RGS6: variants seen among roughly 807,000 people sequenced by gnomAD.
RGS6 encodes the protein regulator of G protein signaling 6.
Under a neutral mutation model 78.5 loss-of-function variants are expected in RGS6, and 30 were observed. The ratio of observed to expected loss-of-function variants is 0.38; its 90% CI spans 0.29 to 0.52. The LOEUF is 0.52. Among genes scored for constraint, RGS6 ranks in the 20% least tolerant of loss-of-function variants. The probability of loss-of-function intolerance (pLI) is 0.85; values close to 1 mark genes in which losing one functional copy is unlikely to be tolerated. For missense variants in RGS6, 495 were observed against 609.7 expected (o/e 0.81, Z 1.98); for synonymous variants, 206 against 206.0 (o/e 1.00, Z 0.00).
At chr14:72,389,528 A>G (rs1166725091) in intron 3 of RGS6, among the ~76,000 whole-genome samples, 1 of 152,132 alleles carries the variant, frequency 6.6e-6, no homozygotes, top group Non-Finnish European at 1.5e-5. Flanking sequence ...CACTAGGGAA[A>G]CCTTACAGAG....
At chr14:72,043,543 A>G (rs1291936292) in intron 2 of RGS6, among the ~76,000 whole-genome samples, 1 of 152,170 alleles carries the variant, frequency 6.6e-6, no homozygotes, top group Non-Finnish European at 1.5e-5. Context: ...CCCCCATTTA[A>G]CACATTAAAT....
At chr14:72,247,543 C>G (rs556121358) in intron 2 of RGS6, among the ~76,000 whole-genome samples, 48 of 152,330 alleles carry the variant, frequency 3.2e-4, no homozygotes, top group African/African-American at 1.1e-3. Context: ...TAGGTGAAAT[C>G]AACATGAGCA....
At chr14:71,987,862 A>T (rs2094785310) in intron 2 of RGS6, among the ~76,000 whole-genome samples, 1 of 152,186 alleles carries the variant, frequency 6.6e-6, no homozygotes, top group Non-Finnish European at 1.5e-5. Context: ...TAAACAATAC[A>T]GTGAATAAAT....
intron 2 of RGS6, among the ~76,000 whole-genome samples, chr14:71,999,512 G>C (rs1423421903): frequency 6.6e-6 from 1 of 152,192 alleles, no homozygotes; most frequent in Non-Finnish European, 1.5e-5. Context: ...GGAGTCAAAA[G>C]AGCTGATAGG....
intron 2 of RGS6, among the ~76,000 whole-genome samples, chr14:72,115,444 C>T (rs1316876666): frequency 1.3e-5 from 2 of 152,166 alleles, no homozygotes; most frequent in East Asian, 3.9e-4. Context: ...ACATTGGTCT[C>T]TTGCTGCCTT....
chr14:72,067,184 C>T (rs1300280342), intron 2 of RGS6, among the ~76,000 whole-genome samples: 4 of 152,154 alleles, frequency 2.6e-5, no homozygotes, highest in South Asian at 2.1e-4. Context: ...GCCAGTAATG[C>T]GTCATTCCCA....
chr14:72,302,081 A>T (rs1368782740), intron 2 of RGS6, among the ~76,000 whole-genome samples: 1 of 152,214 alleles, frequency 6.6e-6, no homozygotes, highest in Non-Finnish European at 1.5e-5. Context: ...CATCTGTGTG[A>T]CCTGGAATAA....
At chr14:72,440,368 T>C (rs2238189) in intron 3 of RGS6, among the ~76,000 whole-genome samples, 111,732 of 151,674 alleles carry the variant, frequency 0.74, 41,446 homozygotes, top group East Asian at 0.98. Flanking sequence ...CAAATGGACT[T>C]AGAGAAGCTG....
At chr14:72,162,567 G>A (rs1290042040) in intron 2 of RGS6, among the ~76,000 whole-genome samples, 4 of 152,118 alleles carry the variant, frequency 2.6e-5, no homozygotes, top group Non-Finnish European at 5.9e-5. Flanking sequence ...GTAAGACAGC[G>A]ATGTCTCATG....
chr14:72,190,620 A>G (rs2097311302), intron 2 of RGS6, among the ~76,000 whole-genome samples: 1 of 152,212 alleles, frequency 6.6e-6, no homozygotes. Flanking sequence ...TGGGGCTTTC[A>G]GGGATGAGAT....
At chr14:72,190,442 T>A (rs536113122) in intron 2 of RGS6, among the ~76,000 whole-genome samples, 2 of 152,332 alleles carry the variant, frequency 1.3e-5, no homozygotes, top group South Asian at 4.1e-4. Context: ...CTTGGGCTGG[T>A]ATCATGTCTA....
intron 2 of RGS6, among the ~76,000 whole-genome samples, chr14:72,292,450 C>T (rs879727372): frequency 2.2e-4 from 34 of 152,210 alleles, no homozygotes; most frequent in Non-Finnish European, 1.2e-4. Flanking sequence ...TTAAAAACGG[C>T]TGAGAAATCC....
intron 13 of RGS6, among the ~76,000 whole-genome samples, chr14:72,505,015 A>T (rs1479587956): frequency 7.4e-6 from 1 of 134,436 alleles, no homozygotes; most frequent in Non-Finnish European, 1.5e-5. Flanking sequence ...TGACCTTGTG[A>T]TCCGCCTGCA....
chr14:72,376,334 A>G (rs967985822), intron 3 of RGS6, among the ~76,000 whole-genome samples: 10 of 152,234 alleles, frequency 6.6e-5, no homozygotes, highest in African/African-American at 9.6e-5. Flanking sequence ...AATAATAAAA[A>G]GGAATTAAGT....
At chr14:72,436,570 C>G (rs185417899) in intron 3 of RGS6, among the ~76,000 whole-genome samples, 5 of 152,294 alleles carry the variant, frequency 3.3e-5, no homozygotes, top group African/African-American at 1.2e-4. Context: ...ATCTTACTCC[C>G]CGGAGAATCA....
At chr14:72,374,462 A>G (rs1299235674) in intron 3 of RGS6, among the ~76,000 whole-genome samples, 1 of 152,232 alleles carries the variant, frequency 6.6e-6, no homozygotes, top group Non-Finnish European at 1.5e-5. Flanking sequence ...ATGTCCATCA[A>G]TGATAGACTG....
intron 3 of RGS6, among the ~76,000 whole-genome samples, chr14:72,411,646 G>A (rs1038276359): frequency 6.6e-6 from 1 of 152,160 alleles, no homozygotes; most frequent in African/African-American, 2.4e-5. Context: ...TCTTGTGCCA[G>A]TTTTCAAAGG....
the RGS6 span, among the ~76,000 whole-genome samples, chr14:71,904,389 T>TC: frequency 6.6e-6 from 1 of 152,124 alleles, no homozygotes; most frequent in Non-Finnish European, 1.5e-5. Flanking sequence ...GCTTTTTTCT[T>TC]CCCCCTAGAA....
intron 3 of RGS6, among the ~76,000 whole-genome samples, chr14:72,375,081 C>T (rs1392825896): frequency 6.6e-6 from 1 of 152,012 alleles, no homozygotes; most frequent in Non-Finnish European, 1.5e-5. Flanking sequence ...AAGGCAGAAA[C>T]AAATAATATG....
Sources: gnomAD v4.1 joint callset for allele counts (sites outside exome capture counted in the v4.1 genomes callset) on GRCh38, gnomAD v4.1.1 for gene constraint, MANE v1.5 for transcripts, NCBI Gene and HGNC (gene_info 2026-07-23, HGNC 2026-07-21) for gene names.